The following MRTFB variants were observed in gnomAD, a reference collection of about 807,000 sequenced individuals.
The protein encoded by MRTFB is myocardin-related transcription factor B.
In MRTFB, 29 loss-of-function variants were observed where a neutral mutation model predicts 104.2. The ratio of observed to expected loss-of-function variants is 0.28; its 90% CI spans 0.21 to 0.38. MRTFB has a LOEUF of 0.38. MRTFB is among the 10% of genes least tolerant of loss of function. The pLI, the probability that MRTFB is intolerant of heterozygous loss-of-function variation, is 1.00. For missense variants in MRTFB, 1,270 were observed against 1,341.6 expected (o/e 0.95, Z 0.83); for synonymous variants, 535 against 519.5 (o/e 1.03, Z -0.41).
chr16:14,052,908 T>C, the MRTFB span, among the ~76,000 whole-genome samples: 1 of 152,168 alleles, frequency 6.6e-6, no homozygotes. Flanking sequence ...AAACCACCAT[T>C]CTACCCTCTG....
At chr16:14,006,119 G>A in the MRTFB span, among the ~76,000 whole-genome samples, 2 of 152,100 alleles carry the variant, frequency 1.3e-5, no homozygotes, top group Admixed American at 1.3e-4. Flanking sequence ...GAAGCGGGTG[G>A]ATCACCTGAG....
At chr16:14,162,189 C>T (rs1325789862) in intron 3 of MRTFB, among the ~76,000 whole-genome samples, 1 of 150,848 alleles carries the variant, frequency 6.6e-6, no homozygotes, top group South Asian at 2.1e-4. Flanking sequence ...TTTTTAATAG[C>T]CAAGCATGGT....
Position 14,218,988 on chromosome 16 carries a change from C to A in MRTFB, c.683C>A (p.Thr228Asn), listed in dbSNP as rs747644210. ...SESPSPVTTN[T>N]PAQFASVSPT... ...TCGCCATCTCCTGTGACTACAAACACTCCAGCGCAGGTATTATCTTTCTGG... is the reference window on the plus strand; with the variant it reads ...TCGCCATCTCCTGTGACTACAAACAATCCAGCGCAGGTATTATCTTTCTGG... Residue 228 changes from threonine (T) to asparagine (N), a missense_variant, in exon 8 of 17, where the codon ACT becomes AAT. Around this residue, in one of 3 missense-constraint regions of MRTFB, gnomAD observed 1,144 missense variants for 1,131.5 expected, o/e 1.01. Transcript: ENST00000571589. The A allele has an allele frequency of 6.2e-6, 10 of 1,610,608 alleles. No homozygotes were observed. The East Asian group carries it at 2.2e-4, about 36-fold the overall frequency.
chr16:14,212,317 T>A, intron 4 of MRTFB, 37 bp from the exon 5 acceptor site: 1 of 1,596,038 alleles, frequency 6.3e-7, no homozygotes, highest in Non-Finnish European at 8.6e-7. Flanking sequence ...AAGTATGAAC[T>A]CTATTTATAC....
chr16:14,068,574 G>A (rs938863415), upstream of MRTFB, among the ~76,000 whole-genome samples: 7 of 152,174 alleles, frequency 4.6e-5, no homozygotes, highest in African/African-American at 9.6e-5. Context: ...GTTGTGTGTC[G>A]TTGCGTGTTG....
chr16:14,178,274 G>A (rs1567418506), intron 3 of MRTFB, among the ~76,000 whole-genome samples: 2 of 152,138 alleles, frequency 1.3e-5, no homozygotes, highest in South Asian at 4.1e-4. Context: ...TATTGGTAGC[G>A]AATCTAGGGG....
intron 3 of MRTFB, among the ~76,000 whole-genome samples, chr16:14,156,184 G>A (rs1165629405): frequency 2.0e-5 from 3 of 152,182 alleles, no homozygotes; most frequent in African/African-American, 7.2e-5. Flanking sequence ...ATTTTGCCCA[G>A]TTTTCTAGTT....
At chr16:14,253,725 T>G (rs1206246630) in intron 15 of MRTFB, among the ~76,000 whole-genome samples, 2 of 152,176 alleles carry the variant, frequency 1.3e-5, no homozygotes, top group Non-Finnish European at 2.9e-5. Flanking sequence ...TTGGAGGAAG[T>G]GGAACCTACC....
chr16:14,038,419 C>T, the MRTFB span, among the ~76,000 whole-genome samples: 8 of 152,284 alleles, frequency 5.3e-5, no homozygotes, highest in Middle Eastern at 3.4e-3. Flanking sequence ...ACCAGATCAG[C>T]GTTTCCCAAG....
Position 14,254,891 on chromosome 16 carries a change from AACT to A in MRTFB, c.2703+2394_2703+2396del, listed in dbSNP as rs1306117186. On this transcript the variant is annotated intron_variant, in intron 15 of 16. Transcript: ENST00000571589. ...AACTTGCGGGCAAGGTTTTCAAAGC[AACT>A]ACTATTACAGCTGTCCTCAGTGATG... 2.6e-5 allele frequency among the ~76,000 whole-genome samples: 4 copies of A among 152,360 alleles called. No homozygotes were observed. In the East Asian group the frequency reaches 7.7e-4, roughly 29 times the overall value.
At chr16:14,211,031 T>C (rs1042879632) in intron 4 of MRTFB, among the ~76,000 whole-genome samples, 14 of 152,192 alleles carry the variant, frequency 9.2e-5, no homozygotes, top group Non-Finnish European at 1.5e-4. Flanking sequence ...AGGTAACTTA[T>C]TCAGTTTCAA....
At chr16:13,999,500 C>CAA in the MRTFB span, among the ~76,000 whole-genome samples, 1,019 of 88,624 alleles carry the variant, frequency 0.011, 14 homozygotes, top group African/African-American at 0.038. Context: ...AGCCTTCTGG[C>CAA]AAAAAAAAAA....
intron 1 of MRTFB, among the ~76,000 whole-genome samples, chr16:14,071,947 G>C (rs959912530): frequency 2.6e-5 from 4 of 151,304 alleles, no homozygotes; most frequent in African/African-American, 9.7e-5. Context: ...CAGGGCTTTT[G>C]TCTCGTTCCT....
At position 14,237,215 on chromosome 16, in the gene MRTFB, G is replaced by T. The variant is rs76715139; in HGVS notation, c.831+2932G>T. On this transcript the variant is annotated intron_variant, in intron 9 of 16. Coordinates refer to ENST00000571589, the MANE Select transcript of MRTFB (RefSeq NM_001308142.2). ...CCATGAAACCCGGTTAAATTACCTAGGGTCTAAGTACAGGTGAAAAAGCTG... is the reference window on the plus strand; with the variant it reads ...CCATGAAACCCGGTTAAATTACCTATGGTCTAAGTACAGGTGAAAAAGCTG... Among the ~76,000 whole-genome samples, 506 of 152,312 alleles carry T rather than the reference G, an allele frequency of 3.3e-3. 11 individuals carry two copies. In the East Asian group the frequency reaches 0.059, roughly 18 times the overall value.
upstream of MRTFB, among the ~76,000 whole-genome samples, chr16:14,068,963 C>CTT (rs989515330): frequency 1.7e-3 from 167 of 100,172 alleles, 8 homozygotes; most frequent in African/African-American, 2.8e-3. Flanking sequence ...GATTCTCCAG[C>CTT]TTTTTTTTTT....
At chr16:14,011,442 G>T in the MRTFB span, among the ~76,000 whole-genome samples, 2 of 152,212 alleles carry the variant, frequency 1.3e-5, no homozygotes, top group Non-Finnish European at 2.9e-5. Context: ...ACATGATGTG[G>T]CCAGGTCAGC....
chr16:14,236,663 A>C (rs2151333886), intron 9 of MRTFB, among the ~76,000 whole-genome samples: 1 of 152,252 alleles, frequency 6.6e-6, no homozygotes, highest in South Asian at 2.1e-4. Flanking sequence ...TGGGAAGAAA[A>C]TTTGACCAAG....
intron 3 of MRTFB, among the ~76,000 whole-genome samples, chr16:14,208,628 T>A (rs2041054937): frequency 6.6e-6 from 1 of 152,178 alleles, no homozygotes; most frequent in African/African-American, 2.4e-5. Flanking sequence ...GCTTCTTGAA[T>A]ATGATTATCT....
chr16:14,203,642 A>C (rs1008981053), intron 3 of MRTFB, among the ~76,000 whole-genome samples: 9 of 151,928 alleles, frequency 5.9e-5, no homozygotes, highest in African/African-American at 2.2e-4. Context: ...TCTCTATTAA[A>C]AATACAACAG....
Sources: gnomAD v4.1 joint callset for allele counts (sites outside exome capture counted in the v4.1 genomes callset) on GRCh38, gnomAD v4.1.1 for gene constraint, gnomAD v4.1.1 regional missense constraint, MANE v1.5 for transcripts, NCBI Gene and HGNC (gene_info 2026-07-23, HGNC 2026-07-21) for gene names.